The following MX2 variants were observed in gnomAD, a reference collection of about 807,000 sequenced individuals.
MX2 encodes the protein MX dynamin like GTPase 2.
MX2 carries 51 observed loss-of-function variants against 74.0 expected under a neutral mutation model. That is an observed-to-expected ratio of 0.69 (90% CI 0.55 to 0.87). The LOEUF (loss-of-function observed/expected upper bound fraction) is 0.87. Ranked by LOEUF, MX2 falls within the 40% of genes least tolerant of loss-of-function variation. The pLI is 0.00. For synonymous variants in MX2, 369 were observed against 339.3 expected (o/e 1.09, Z -0.96); for missense variants, 832 against 908.7 (o/e 0.92, Z 1.09).
intron 6 of MX2, among the ~76,000 whole-genome samples, chr21:41,391,087 C>T (rs192509517): frequency 6.6e-6 from 1 of 151,532 alleles, no homozygotes; most frequent in African/African-American, 2.4e-5. Flanking sequence ...TTTGGAAGAT[C>T]CTGGAACGTA....
At chr21:41,369,650 T>A (rs1439132314) in intron 1 of MX2, among the ~76,000 whole-genome samples, 2 of 151,780 alleles carry the variant, frequency 1.3e-5, no homozygotes, top group African/African-American at 4.8e-5. Context: ...AGAAGTGAGG[T>A]GCTGCTCTGG....
chr21:41,400,411 C>T (rs1484726867), intron 10 of MX2, among the ~76,000 whole-genome samples: 1 of 152,138 alleles, frequency 6.6e-6, no homozygotes, highest in African/African-American at 2.4e-5. Flanking sequence ...CAGAGAGATT[C>T]TTGGTTTGAC....
chr21:41,402,243 A>C lies in MX2; in HGVS notation c.1573+115A>C. ...ACCAAACCAGCCTGCAGACACGCTC[A>C]CTGGTGTGCTAGATTGCTACTCTGT... On this transcript the variant is annotated intron_variant, in intron 11 of 13. Transcript: ENST00000330714. The surrounding 1 kb of genome is among the most constrained non-coding windows in gnomAD (Gnocchi z 4.5). 26 of 1,233,584 alleles carry C rather than the reference A, an allele frequency of 2.1e-5. No homozygotes were observed. The highest frequency in any genetic ancestry group is 7.3e-5 in the East Asian group (3 of 40,940). 76.4% of individuals were successfully genotyped at this position (1,233,584 alleles called of 1,614,324 possible). A position where few individuals can be genotyped will look rare whatever the true frequency, so the allele number is the denominator to read the frequency against.
chr21:41,395,296 A>C (rs2074557), intron 6 of MX2, among the ~76,000 whole-genome samples: 18,361 of 152,166 alleles, frequency 0.12, 1,614 homozygotes, highest in East Asian at 0.27. Flanking sequence ...GAGCCAGTCC[A>C]TTCTAACCAT....
At chr21:41,386,169 G>A (rs975029502) in intron 5 of MX2, among the ~76,000 whole-genome samples, 3 of 121,680 alleles carry the variant, frequency 2.5e-5, no homozygotes, top group Admixed American at 2.1e-4. Context: ...GCAGTGAGCT[G>A]AGATCACGCC....
At chr21:41,399,661 G>A (rs1391438916) in intron 10 of MX2, 3 of 219,878 alleles carry the variant, frequency 1.4e-5, no homozygotes, top group Non-Finnish European at 2.8e-5. Context: ...AACCTCCCAG[G>A]CTCAAGTGAT....
Position 41,406,988 on chromosome 21 carries a change from C to G in MX2, c.1895C>G (p.Ala632Gly). ...SFTEIGIHLN[A>G]YFLETSKRLA... is the part of the protein sequence containing the mutation. ...ACTGAAATAGGCATCCACCTGAATG[C>G]CTACTTCTTGGTGAGTTCCCGGCGG... The change falls in exon 13 of 14, where the codon GCC becomes GGC. Residue 632 changes from alanine (A) to glycine (G), a missense_variant. By Grantham distance (60) the Ala-to-Gly change is moderately conservative (BLOSUM62 0). Transcript: ENST00000330714. 1 of 1,611,574 alleles carries G rather than the reference C, an allele frequency of 6.2e-7. No homozygotes were observed. Among genetic ancestry groups the G allele is most frequent in the Non-Finnish European group, 8.5e-7 (1 of 1,177,804 alleles).
intron 5 of MX2, among the ~76,000 whole-genome samples, chr21:41,385,545 C>T (rs2089559861): frequency 6.6e-6 from 1 of 152,206 alleles, no homozygotes; most frequent in Non-Finnish European, 1.5e-5. Flanking sequence ...GAGGCCTCCC[C>T]AGCCATGTGG....
Position 41,397,659 on chromosome 21 carries a change from A to G in MX2, c.1117A>G (p.Arg373Gly). Residue 373 changes from arginine to glycine, a missense_variant, in exon 8 of 14, where the codon AGA (arginine) becomes GGA (glycine). Coordinates refer to ENST00000330714, the MANE Select transcript of MX2 (RefSeq NM_002463.2). ...AGCCACGGTTCCCCGACTGGCAGAA[A>G]GACTTACCACTGAACTCATCATGCA... Reference protein sequence around the residue: ...GSATVPRLAERLTTELIMHIQ... With the variant: ...GSATVPRLAEGLTTELIMHIQ... The G allele has an allele frequency of 1.9e-6, 3 of 1,614,188 alleles. No individual in the cohort carries two copies. Among genetic ancestry groups the G allele is most frequent in the Non-Finnish European group, 2.5e-6 (3 of 1,180,004 alleles).
In MX2 at chr21:41,363,056, G is replaced by C. The variant is rs796789226; in HGVS notation, c.-72+1001G>C. 2.3e-4 allele frequency among the ~76,000 whole-genome samples: 35 copies of C among 152,152 alleles called. No homozygotes were observed. Among genetic ancestry groups the C allele is most frequent in the African/African-American group, 8.4e-4 (35 of 41,492 alleles). ...TTACAGGCGTAAGCCACCCCATTCG[G>C]CTTTGATGACACCTTTTGAACACTG... On this transcript the variant is annotated intron_variant, in intron 1 of 13. Transcript: ENST00000330714. The surrounding 1 kb of genome is among the most constrained non-coding windows in gnomAD (Gnocchi z 4.2).
chr21:41,408,384 CAG>C lies in MX2; in HGVS notation c.*152_*153del. On this transcript the variant is annotated 3_prime_UTR_variant, in exon 14 of 14. Transcript: ENST00000330714. ...ACTCCCTCAGCATCAGAGCATGCAT[CAG>C]GGGTCCACACAGGCTCAGCTCTCTC... is the stretch of plus-strand genomic sequence containing the variant. 1 of 1,065,196 alleles carries C rather than the reference CAG, an allele frequency of 9.4e-7. No homozygotes were observed. The highest frequency in any genetic ancestry group is 2.6e-5 in the East Asian group (1 of 38,728). The allele number at this position is 1,065,196 out of a possible 1,614,324, so 66.0% of individuals were successfully genotyped here. A position where few individuals can be genotyped will look rare whatever the true frequency, so the allele number is the denominator to read the frequency against.
At chr21:41,387,051 G>C (rs143296815) in intron 5 of MX2, among the ~76,000 whole-genome samples, 7 of 152,304 alleles carry the variant, frequency 4.6e-5, no homozygotes, top group African/African-American at 1.7e-4. Flanking sequence ...TAGAGTCAAA[G>C]CTTCCTGCAC....
intron 10 of MX2, among the ~76,000 whole-genome samples, chr21:41,400,189 C>T (rs1277006082): frequency 6.6e-6 from 1 of 152,136 alleles, no homozygotes; most frequent in African/African-American, 2.4e-5. Flanking sequence ...AGACAGAGCT[C>T]AGCATGGGTG....
Position 41,388,059 on chromosome 21 carries a change from C to A in MX2, c.733-2506C>A, listed in dbSNP as rs992596105. 2.0e-5 allele frequency among the ~76,000 whole-genome samples: 3 copies of A among 152,232 alleles called. No homozygotes were observed. Among genetic ancestry groups the A allele is most frequent in the Admixed American group, 6.5e-5 (1 of 15,286 alleles). ...GCACCCTCACCTAAGCTGCTGCTAT[C>A]CTGAACCTGGGTTACCGCCTCTGCT... On this transcript the variant is annotated intron_variant, in intron 5 of 13. Coordinates refer to ENST00000330714, the MANE Select transcript of MX2 (RefSeq NM_002463.2). This position sits in a 1 kb window ranked among gnomAD's most constrained non-coding sequence, Gnocchi z 4.0.
intron 6 of MX2, among the ~76,000 whole-genome samples, chr21:41,394,457 C>G (rs2145937626): frequency 6.6e-6 from 1 of 152,330 alleles, no homozygotes; most frequent in Middle Eastern, 3.4e-3. Flanking sequence ...CAACTTGAGA[C>G]TACATCACGC....
rs146547441 is a variant in MX2, at chr21:41,398,963, C to A, written c.1216C>A (p.Arg406Ser). The change falls in exon 9 of 14, where the codon CGT becomes AGT. Residue 406 changes from arginine to serine, a missense_variant. Arg to Ser is a moderately radical substitution (Grantham distance 110). Transcript: ENST00000330714. ...CCAGAAGGCGACCGAGGAGCTGCGG[C>A]GTTGCGGGGCTGACATCCCCAGCCA... ...SHQKATEELR[R>S]CGADIPSQEA... 27 of 1,614,046 alleles carry A rather than the reference C, an allele frequency of 1.7e-5. No individual in the cohort carries two copies. Among genetic ancestry groups the A allele is most frequent in the Non-Finnish European group, 2.3e-5 (27 of 1,179,922 alleles).
In MX2 at chr21:41,363,433, T is replaced by C. The variant is rs1220186423; in HGVS notation, c.-72+1378T>C. ...GGCCAGGATGTATGTGAGCTTTATT[T>C]AGGTTTAGCCCCTGCCCTAGAATGC... On this transcript the variant is annotated intron_variant, in intron 1 of 13. Transcript: ENST00000330714. The surrounding 1 kb of genome is among the most constrained non-coding windows in gnomAD (Gnocchi z 4.2). The C allele has an allele frequency of 6.6e-6, 1 of 152,206 alleles. No individual in the cohort carries two copies. Among genetic ancestry groups the C allele is most frequent in the East Asian group, 1.9e-4 (1 of 5,190 alleles). The allele number at this position is 152,206 out of a possible 1,614,324, so 9.4% of individuals were successfully genotyped here.
intron 12 of MX2, chr21:41,404,916 A>G (rs1260059063): frequency 4.0e-5 from 6 of 151,600 alleles, no homozygotes; most frequent in Admixed American, 3.9e-4. Flanking sequence ...AAAGAGAAAG[A>G]ACAAACAAAC....
At chr21:41,371,849 A>G (rs1278894237) in intron 1 of MX2, among the ~76,000 whole-genome samples, 1 of 152,198 alleles carries the variant, frequency 6.6e-6, no homozygotes, top group Non-Finnish European at 1.5e-5. Flanking sequence ...ACTTTGGGTG[A>G]GCCACATCTT....
Sources: allele counts gnomAD v4.1 joint callset (sites outside exome capture counted in the v4.1 genomes callset), GRCh38; gene constraint gnomAD v4.1.1; non-coding constraint Gnocchi (gnomAD v3.1); transcripts MANE v1.5; gene names NCBI Gene and HGNC (gene_info 2026-07-23, HGNC 2026-07-21).